The following WDFY3 variants were observed in gnomAD, a reference collection of about 807,000 sequenced individuals.
WDFY3 encodes the protein WD repeat and FYVE domain containing 3.
Under a neutral mutation model 409.6 loss-of-function variants are expected in WDFY3, and 66 were observed. The observed-to-expected ratio is 0.16, with a 90% CI of 0.13 to 0.20. The LOEUF (loss-of-function observed/expected upper bound fraction) is 0.20. Ranked by LOEUF, WDFY3 falls within the 10% of genes least tolerant of loss-of-function variation. The pLI is 1.00. For missense variants in WDFY3, 3,031 were observed against 4,298.1 expected, an observed-to-expected ratio of 0.71 and a Z score of 8.24; for synonymous variants, 1,521 against 1,537.1, an observed-to-expected ratio of 0.99 and a Z score of 0.25.
At chr4:84,765,232 T>C (rs1279384730) in intron 32 of WDFY3, among the ~76,000 whole-genome samples, 1 of 152,198 alleles carries the variant, frequency 6.6e-6, no homozygotes, top group Admixed American at 6.5e-5. Flanking sequence ...TCTAGCATAG[T>C]AAACTGCAAT....
intron 1 of WDFY3, among the ~76,000 whole-genome samples, chr4:84,944,353 G>A (rs187434580): frequency 4.2e-4 from 64 of 151,528 alleles, no homozygotes; most frequent in Admixed American, 7.2e-4. Flanking sequence ...CATTCTCTAC[G>A]AAAAAAATTA....
At chr4:84,701,907 A>G (rs1327292336) in intron 56 of WDFY3, among the ~76,000 whole-genome samples, 1 of 152,168 alleles carries the variant, frequency 6.6e-6, no homozygotes, top group East Asian at 1.9e-4. Context: ...TGGATGTACC[A>G]CTCTTAGCTA....
intron 64 of WDFY3, 68 bp from the exon 65 acceptor site, chr4:84,679,310 A>G: frequency 7.1e-7 from 1 of 1,408,082 alleles, no homozygotes; most frequent in Non-Finnish European, 9.4e-7. Flanking sequence ...TTGTTCTGCT[A>G]GTATTTTTTT....
At chr4:84,819,214 T>A (rs1005829543) in intron 12 of WDFY3, among the ~76,000 whole-genome samples, 4 of 152,084 alleles carry the variant, frequency 2.6e-5, no homozygotes, top group Non-Finnish European at 5.9e-5. Context: ...AAGAATGATC[T>A]TACCTTAGCA....
At chr4:84,884,973 G>A (rs1308515300) in intron 3 of WDFY3, among the ~76,000 whole-genome samples, 5 of 152,158 alleles carry the variant, frequency 3.3e-5, no homozygotes, top group Non-Finnish European at 5.9e-5. Flanking sequence ...AAACTATACA[G>A]CTAATAGAAG....
chr4:84,718,207 T>C (rs184488554), intron 48 of WDFY3, among the ~76,000 whole-genome samples: 1 of 152,188 alleles, frequency 6.6e-6, no homozygotes, highest in Non-Finnish European at 1.5e-5. Context: ...AAATAAATGT[T>C]ATTTAGCTTT....
intron 32 of WDFY3, among the ~76,000 whole-genome samples, chr4:84,764,198 T>C (rs916509715): frequency 6.6e-6 from 1 of 152,216 alleles, no homozygotes; most frequent in African/African-American, 2.4e-5. Context: ...AAAATAAGCA[T>C]TGCTGTCAAT....
intron 25 of WDFY3, among the ~76,000 whole-genome samples, chr4:84,780,614 A>C (rs1265581664): frequency 6.6e-6 from 1 of 151,932 alleles, no homozygotes; most frequent in African/African-American, 2.4e-5. Flanking sequence ...AAATACAAAA[A>C]TTAGCCGGGC....
chr4:84,677,423 A>T (rs759705704), intron 66 of WDFY3, 27 bp from the exon 67 acceptor site: 3 of 1,554,420 alleles, frequency 1.9e-6, no homozygotes, highest in Non-Finnish European at 2.6e-6. Flanking sequence ...AGAGGAGGTC[A>T]CTGCACGGAA....
intron 1 of WDFY3, among the ~76,000 whole-genome samples, chr4:84,947,851 A>G (rs925705474): frequency 1.3e-5 from 2 of 151,994 alleles, no homozygotes; most frequent in African/African-American, 4.8e-5. Context: ...ATGCCACTGT[A>G]CTCCAGCCTA....
intron 7 of WDFY3, among the ~76,000 whole-genome samples, chr4:84,833,688 A>AAGAGAAGAGAAGAG (rs1756113632): frequency 6.7e-6 from 1 of 149,500 alleles, no homozygotes; most frequent in Non-Finnish European, 1.5e-5. Context: ...AAAGAAAAGA[A>AAGAGAAGAGAAGAG]AAGAGAAGAG....
chr4:84,745,002 T>C (rs1739167838), intron 36 of WDFY3, among the ~76,000 whole-genome samples: 1 of 151,936 alleles, frequency 6.6e-6, no homozygotes, highest in Admixed American at 6.6e-5. Flanking sequence ...CCTATATAGG[T>C]GGTATCTTTG....
At chr4:84,836,850 ATATGTAAAACATCTATT>A in intron 7 of WDFY3, 62 bp downstream of exon 7, 1 of 1,225,174 alleles carries the variant, frequency 8.2e-7, no homozygotes, top group East Asian at 2.8e-5. Flanking sequence ...AAAAAATGGA[ATATGTAAAACATCTATT>A]TAGGAAGTAT....
chr4:84,896,084 C>A (rs557715568), intron 3 of WDFY3, among the ~76,000 whole-genome samples: 25 of 151,652 alleles, frequency 1.6e-4, no homozygotes, highest in Non-Finnish European at 3.1e-4. Context: ...GGTGAAACCC[C>A]GTCTCTACTA....
chr4:84,828,469 A>G (rs912771746), intron 9 of WDFY3, among the ~76,000 whole-genome samples: 1 of 152,198 alleles, frequency 6.6e-6, no homozygotes, highest in Non-Finnish European at 1.5e-5. Flanking sequence ...TAATTAGTTT[A>G]TCTAAATTCT....
At chr4:84,960,486 G>A (rs1178351528) in intron 1 of WDFY3, among the ~76,000 whole-genome samples, 8 of 152,148 alleles carry the variant, frequency 5.3e-5, no homozygotes, top group African/African-American at 7.2e-5. Context: ...GTATGTATAC[G>A]AACAAATGTA....
chr4:84,952,467 A>G (rs140929288), intron 1 of WDFY3, among the ~76,000 whole-genome samples: 144 of 152,310 alleles, frequency 9.5e-4, no homozygotes, highest in Non-Finnish European at 1.9e-3. Context: ...CATCTGCTAT[A>G]CTGAATGACC....
At chr4:84,755,500 T>C (rs1741282635) in intron 33 of WDFY3, 100 bp from the exon 34 acceptor site, 1 of 1,396,938 alleles carries the variant, frequency 7.2e-7, no homozygotes, top group Admixed American at 3.0e-5. Flanking sequence ...ACTAGTTTTT[T>C]GTTGTTTTTA....
intron 30 of WDFY3, among the ~76,000 whole-genome samples, chr4:84,771,590 A>G (rs1044981689): frequency 3.3e-5 from 5 of 152,262 alleles, no homozygotes; most frequent in Admixed American, 3.3e-4. Context: ...TTAAAAGCTT[A>G]GAATGCTTGT....
Sources: gnomAD v4.1 joint callset for allele counts (sites outside exome capture counted in the v4.1 genomes callset) on GRCh38, gnomAD v4.1.1 for gene constraint, MANE v1.5 for transcripts, NCBI Gene and HGNC (gene_info 2026-07-23, HGNC 2026-07-21) for gene names.